Variants in ANKFN1 observed in about 807,000 individuals in gnomAD.
ANKFN1 encodes ankyrin repeat and fibronectin type-III domain-containing protein 1.
ANKFN1 carries 74 observed loss-of-function variants against 108.7 expected under a neutral mutation model. That is an observed-to-expected ratio of 0.68 (90% CI 0.56 to 0.83). ANKFN1 has a LOEUF of 0.83. Ranked by LOEUF, ANKFN1 falls within the 40% of genes least tolerant of loss-of-function variation. The pLI, the probability that ANKFN1 is intolerant of heterozygous loss-of-function variation, is 0.00. For synonymous variants in ANKFN1, 547 were observed against 516.2 expected, an observed-to-expected ratio of 1.06 and a Z score of -0.81; for missense variants, 1,505 against 1,382.3, an observed-to-expected ratio of 1.09 and a Z score of -1.41.
intron 8 of ANKFN1, among the ~76,000 whole-genome samples, chr17:56,401,468 T>C (rs749369228): frequency 6.6e-6 from 1 of 152,042 alleles, no homozygotes. Context: ...GTTGAGTTCT[T>C]GATTTGATTA....
chr17:56,068,431 G>A (rs1351946191), intron 4 of ANKFN1, among the ~76,000 whole-genome samples: 2 of 152,194 alleles, frequency 1.3e-5, no homozygotes, highest in Non-Finnish European at 2.9e-5. Flanking sequence ...TAGAGCAGTG[G>A]CTGCACCTAG....
chr17:56,208,619 A>C (rs1467754557), intron 1 of ANKFN1, among the ~76,000 whole-genome samples: 1 of 152,186 alleles, frequency 6.6e-6, no homozygotes, highest in African/African-American at 2.4e-5. Flanking sequence ...CCTTACTGCT[A>C]TAATAGCTGT....
At chr17:56,425,259 G>A (rs2048525687) in intron 8 of ANKFN1, among the ~76,000 whole-genome samples, 1 of 152,116 alleles carries the variant, frequency 6.6e-6, no homozygotes, top group African/African-American at 2.4e-5. Flanking sequence ...GGAAAAGGTG[G>A]TTTTGGTGGG....
At chr17:56,491,522 C>G (rs1429193702) in intron 18 of ANKFN1, among the ~76,000 whole-genome samples, 1 of 152,166 alleles carries the variant, frequency 6.6e-6, no homozygotes, top group Non-Finnish European at 1.5e-5. Flanking sequence ...TGGACTCTTT[C>G]CTGTGATATC....
intron 10 of ANKFN1, among the ~76,000 whole-genome samples, chr17:56,443,708 A>T (rs2049192211): frequency 1.3e-5 from 2 of 152,226 alleles, no homozygotes; most frequent in South Asian, 4.1e-4. Flanking sequence ...AGGCCTTCCG[A>T]TTATTTGAAA....
intron 8 of ANKFN1, among the ~76,000 whole-genome samples, chr17:56,390,351 C>T (rs7501945): frequency 0.58 from 88,288 of 152,004 alleles, 28,831 homozygotes; most frequent in East Asian, 0.96. Flanking sequence ...TCCAGGTTCA[C>T]CCATGTCCCT....
chr17:56,133,096 TACCA>T (rs1907381008), intron 4 of ANKFN1, among the ~76,000 whole-genome samples: 2 of 152,184 alleles, frequency 1.3e-5, no homozygotes. Context: ...CCTTTCTAGA[TACCA>T]ACCCAGGAAA....
At chr17:56,378,689 G>C (rs2047006236) in intron 8 of ANKFN1, among the ~76,000 whole-genome samples, 1 of 152,200 alleles carries the variant, frequency 6.6e-6, no homozygotes, top group Non-Finnish European at 1.5e-5. Flanking sequence ...TTGCAGATGA[G>C]AGCAACGAGG....
At position 56,374,714 on chromosome 17, in the gene ANKFN1, G is replaced by T. The variant is rs1382125558; in HGVS notation, c.910G>T (p.Val304Leu). ...VNAAVVTRYK[V>L]EWSMSEDFSP... is the part of the protein sequence containing the mutation. ...TGCAGCTGTAGTAACCAGGTATAAA[G>T]GTACTGGACCCAAGACATGTTTTCA... The change falls in exon 8 of 21, where the codon GTG becomes TTG. Residue 304 changes from valine to leucine, a missense_variant and splice_region_variant. Coordinates refer to ENST00000682825, the MANE Select transcript of ANKFN1 (RefSeq NM_001370326.1). The T allele has an allele frequency of 1.9e-6, 3 of 1,605,788 alleles. No individual in the cohort carries two copies.
intron 8 of ANKFN1, among the ~76,000 whole-genome samples, chr17:56,438,560 TA>T (rs1218469004): frequency 6.6e-6 from 1 of 152,120 alleles, no homozygotes; most frequent in Non-Finnish European, 1.5e-5. Flanking sequence ...CAGGGTATAG[TA>T]AAAGGATTTT....
At chr17:56,199,645 C>G (rs979910127) in intron 1 of ANKFN1, among the ~76,000 whole-genome samples, 1 of 152,176 alleles carries the variant, frequency 6.6e-6, no homozygotes, top group Non-Finnish European at 1.5e-5. Flanking sequence ...GCTCCCTTTT[C>G]TAACACTCAC....
chr17:56,136,821 G>A (rs1317020198), intron 4 of ANKFN1, among the ~76,000 whole-genome samples: 1 of 152,184 alleles, frequency 6.6e-6, no homozygotes, highest in Non-Finnish European at 1.5e-5. Context: ...TTATAAAAAA[G>A]CCAAAAGAAG....
rs2145495195 is a variant in ANKFN1 at position 56,510,695 on chromosome 17, A to T, written c.2867A>T (p.Gln956Leu). The T allele has an allele frequency of 6.5e-7, 1 of 1,536,106 alleles. No individual in the cohort carries two copies. The highest frequency in any genetic ancestry group is 8.7e-7 in the Non-Finnish European group (1 of 1,146,892). Residue 956 changes from glutamine (Q) to leucine (L), a missense_variant, in exon 21 of 21, where the codon CAG becomes CTG. Coordinates refer to ENST00000682825, the MANE Select transcript of ANKFN1 (RefSeq NM_001370326.1). ...CCTCTGGGGCCGGGCCAGGATCCCC[A>T]GGGCGAGGGCCCAAATCCCGATCAC... Reference protein sequence around the residue: ...KTPLGPGQDPQGEGPNPDHSC... With the variant: ...KTPLGPGQDPLGEGPNPDHSC...
rs372063399 is a variant in ANKFN1 at position 56,285,680 on chromosome 17, A to G, written c.54-40541A>G. Among the ~76,000 whole-genome samples the G allele has an allele frequency of 1.3e-4, 20 of 152,270 alleles. 2 individuals carry two copies. Among genetic ancestry groups the G allele is most frequent in the African/African-American group, 4.8e-4 (20 of 41,556 alleles). ...GTGACTCCATAACTGTTGCAAACAC[A>G]GACTTCCCTGCCCAGATAGTCCTCT... On this transcript the variant is annotated intron_variant, in intron 3 of 20. Transcript: ENST00000682825.
At chr17:56,418,583 A>C (rs1253350853) in intron 8 of ANKFN1, among the ~76,000 whole-genome samples, 1 of 152,188 alleles carries the variant, frequency 6.6e-6, no homozygotes, top group Non-Finnish European at 1.5e-5. Flanking sequence ...TGCGATAATA[A>C]TAAAAGAAAA....
chr17:56,473,815 G>A (rs943273099), intron 15 of ANKFN1, among the ~76,000 whole-genome samples: 1 of 151,314 alleles, frequency 6.6e-6, no homozygotes, highest in Non-Finnish European at 1.5e-5. Context: ...CTCAGTAATA[G>A]TCTTAAAAAA....
chr17:56,245,276 C>T (rs1917877588), intron 3 of ANKFN1, among the ~76,000 whole-genome samples: 1 of 152,058 alleles, frequency 6.6e-6, no homozygotes, highest in Non-Finnish European at 1.5e-5. Context: ...CCCTTTATAA[C>T]TCTCATAAAG....
intron 2 of ANKFN1, among the ~76,000 whole-genome samples, chr17:56,221,635 G>A (rs1915900298): frequency 6.6e-6 from 1 of 152,152 alleles, no homozygotes; most frequent in Non-Finnish European, 1.5e-5. Context: ...TGAAGTGGTT[G>A]GAAACATGGA....
In ANKFN1 at chr17:56,126,342, G is replaced by A. The variant is rs76649849; in HGVS notation, c.288+80017G>A. Among the ~76,000 whole-genome samples the A allele has an allele frequency of 6.7e-4, 102 of 152,162 alleles. No homozygotes were observed. In the East Asian group the frequency reaches 0.011, roughly 17 times the overall value. Reference sequence around the variant, plus strand: ...CCTTGACTGGCTCCCCCTGCCAGACGACAGCGGATCACAATGAAGGCATGC... The same window carrying A: ...CCTTGACTGGCTCCCCCTGCCAGACAACAGCGGATCACAATGAAGGCATGC... On this transcript the variant is annotated intron_variant, in intron 4 of 12. Transcript: ENST00000635860.
Sources: gnomAD v4.1 joint callset for allele counts (sites outside exome capture counted in the v4.1 genomes callset) on GRCh38, gnomAD v4.1.1 for gene constraint, MANE v1.5 for transcripts, NCBI Gene and HGNC (gene_info 2026-07-23, HGNC 2026-07-21) for gene names.